Variants in PLCZ1 observed in about 807,000 individuals in gnomAD.
PLCZ1 encodes 1-phosphatidylinositol 4,5-bisphosphate phosphodiesterase zeta-1.
In PLCZ1, 64 loss-of-function variants were observed where a neutral mutation model predicts 76.8. That is an observed-to-expected ratio of 0.83 (90% CI 0.68 to 1.03). The LOEUF (loss-of-function observed/expected upper bound fraction) is 1.03. Among genes scored for constraint, PLCZ1 ranks in the 50% least tolerant of loss-of-function variants. PLCZ1 has a pLI of 0.00. For synonymous variants in PLCZ1, 248 were observed against 230.8 expected (o/e 1.07, Z -0.68); for missense variants, 751 against 713.7 (o/e 1.05, Z -0.60).
intron 5 of PLCZ1, among the ~76,000 whole-genome samples, chr12:18,715,438 G>C (rs916702955): frequency 6.6e-6 from 1 of 150,496 alleles, no homozygotes; most frequent in African/African-American, 2.4e-5. Flanking sequence ...GTCTCGCTCT[G>C]TCGCCCAGAC....
chr12:18,700,984 A>AT (rs60921824), intron 9 of PLCZ1, among the ~76,000 whole-genome samples: 34 of 149,582 alleles, frequency 2.3e-4, no homozygotes, highest in Admixed American at 5.3e-4. Flanking sequence ...AATTATAGAG[A>AT]TTTTTTTTTT....
chr12:18,707,210 A>G (rs1012694054), intron 6 of PLCZ1, among the ~76,000 whole-genome samples: 5 of 152,220 alleles, frequency 3.3e-5, no homozygotes, highest in Middle Eastern at 3.2e-3. Context: ...AACATTTACA[A>G]GTTCCAGGAA....
chr12:18,685,627 T>C (rs1343463166), intron 13 of PLCZ1: 1 of 516,798 alleles, frequency 1.9e-6, no homozygotes, highest in East Asian at 5.5e-5. Flanking sequence ...ACTAATTGGC[T>C]CATGCTGGAA....
the PLCZ1 span, among the ~76,000 whole-genome samples, chr12:18,675,344 G>T: frequency 6.6e-6 from 1 of 152,068 alleles, no homozygotes; most frequent in Non-Finnish European, 1.5e-5. Flanking sequence ...CATTATAGAA[G>T]TCTAGGTACA....
At chr12:18,691,226 C>T (rs888260797) in intron 12 of PLCZ1, among the ~76,000 whole-genome samples, 8 of 151,972 alleles carry the variant, frequency 5.3e-5, no homozygotes, top group South Asian at 2.1e-4. Context: ...TTTTCTAGTC[C>T]GAGCAGAGTG....
intron 9 of PLCZ1, among the ~76,000 whole-genome samples, chr12:18,700,781 G>A (rs1217013266): frequency 6.6e-6 from 1 of 151,992 alleles, no homozygotes; most frequent in African/African-American, 2.4e-5. Flanking sequence ...AAACCAGCTG[G>A]ATTGGTTTTG....
intron 3 of PLCZ1, among the ~76,000 whole-genome samples, chr12:18,727,596 A>C (rs1396656573): frequency 6.6e-6 from 1 of 152,140 alleles, no homozygotes; most frequent in African/African-American, 2.4e-5. Context: ...ATTAGAGAGA[A>C]TGTTAGTGAA....
At chr12:18,659,736 A>G in the PLCZ1 span, among the ~76,000 whole-genome samples, 9 of 148,476 alleles carry the variant, frequency 6.1e-5, no homozygotes, top group African/African-American at 2.2e-4. Context: ...AGGTTTGTTA[A>G]ATATGTATAC....
the PLCZ1 span, among the ~76,000 whole-genome samples, chr12:18,671,187 T>TAAAAAAAAA: frequency 7.5e-6 from 1 of 134,124 alleles, no homozygotes; most frequent in Non-Finnish European, 1.6e-5. Context: ...AGACTCCATC[T>TAAAAAAAAA]AAAAAAAAAA....
At chr12:18,648,536 C>G in the PLCZ1 span, 3 of 169,890 alleles carry the variant, frequency 1.8e-5, no homozygotes, top group Non-Finnish European at 3.8e-5. Flanking sequence ...TATTTTCTAT[C>G]AGAAAACCAA....
At chr12:18,710,126 T>C (rs1372878997) in intron 6 of PLCZ1, among the ~76,000 whole-genome samples, 2 of 150,500 alleles carry the variant, frequency 1.3e-5, no homozygotes, top group East Asian at 2.0e-4. Flanking sequence ...GCTTCTTTTC[T>C]TCCTATTGGA....
chr12:18,699,316 A>C (rs1006520269), intron 10 of PLCZ1, among the ~76,000 whole-genome samples: 3 of 152,046 alleles, frequency 2.0e-5, no homozygotes, highest in Non-Finnish European at 4.4e-5. Context: ...CTCCACTCTC[A>C]CTGCCAGAAA....
chr12:18,684,391 T>C (rs1167736831), intron 13 of PLCZ1, 112 bp from the exon 14 acceptor site: 1 of 1,008,512 alleles, frequency 9.9e-7, no homozygotes, highest in Non-Finnish European at 1.5e-6. Flanking sequence ...AATAATATCT[T>C]GTGTTTAGAG....
intron 4 of PLCZ1, 147 bp from the exon 5 acceptor site, chr12:18,719,779 T>A: frequency 1.0e-5 from 5 of 477,828 alleles, no homozygotes; most frequent in East Asian, 7.1e-5. Flanking sequence ...ATATTTATGT[T>A]GTTTGGAAAC....
At chr12:18,716,745 A>G (rs1275406010) in intron 5 of PLCZ1, among the ~76,000 whole-genome samples, 2 of 152,184 alleles carry the variant, frequency 1.3e-5, no homozygotes, top group Non-Finnish European at 2.9e-5. Context: ...AATACTTCCT[A>G]TAAACTATCA....
downstream of PLCZ1, among the ~76,000 whole-genome samples, chr12:18,680,843 C>T (rs958831066): frequency 6.6e-6 from 1 of 151,948 alleles, no homozygotes; most frequent in Non-Finnish European, 1.5e-5. Flanking sequence ...TAGAGTTCTC[C>T]TCTGTATTTG....
At chr12:18,682,524 T>G (rs1352777668), downstream of PLCZ1, among the ~76,000 whole-genome samples, 2 of 152,054 alleles carry the variant, frequency 1.3e-5, no homozygotes, top group Non-Finnish European at 2.9e-5. Context: ...GCAAGTGAGA[T>G]AGCACAGGAA....
chr12:18,721,687 A>G (rs1034725675), intron 4 of PLCZ1, among the ~76,000 whole-genome samples: 1 of 151,140 alleles, frequency 6.6e-6, no homozygotes, highest in Admixed American at 6.6e-5. Flanking sequence ...AAATCAATTC[A>G]CTACTTCCTT....
the PLCZ1 span, among the ~76,000 whole-genome samples, chr12:18,663,081 A>C: frequency 1.6e-4 from 24 of 152,016 alleles, no homozygotes; most frequent in African/African-American, 5.3e-4. Context: ...ACCTCAGCAT[A>C]ATAAAAGCCA....
Sources: gnomAD v4.1 joint callset for allele counts (sites outside exome capture counted in the v4.1 genomes callset) on GRCh38, gnomAD v4.1.1 for gene constraint, MANE v1.5 for transcripts, NCBI Gene and HGNC (gene_info 2026-07-23, HGNC 2026-07-21) for gene names.